CSMD1: variants seen among roughly 807,000 people sequenced by gnomAD.
CSMD1 encodes the protein CUB and sushi domain-containing protein 1.
In CSMD1, 213 loss-of-function variants were observed where a neutral mutation model predicts 417.5. The ratio of observed to expected loss-of-function variants is 0.51; its 90% CI spans 0.46 to 0.57. The LOEUF (loss-of-function observed/expected upper bound fraction) is 0.57, where lower values mean the gene tolerates loss of function less well. Among genes scored for constraint, CSMD1 ranks in the 20% least tolerant of loss-of-function variants. CSMD1 has a pLI of 0.00. For synonymous variants in CSMD1, 2,862 were observed against 1,736.8 expected (o/e 1.65, Z -16.11); for missense variants, 6,923 against 4,529.7 (o/e 1.53, Z -15.17).
intron 12 of CSMD1, among the ~76,000 whole-genome samples, chr8:3,461,923 C>G (rs988685803): frequency 2.0e-5 from 3 of 152,190 alleles, no homozygotes; most frequent in African/African-American, 7.2e-5. Flanking sequence ...AGCTGAGAGG[C>G]CAGCTAAGGA....
chr8:4,705,953 C>A (rs997110168), intron 1 of CSMD1, among the ~76,000 whole-genome samples: 29 of 152,018 alleles, frequency 1.9e-4, no homozygotes, highest in African/African-American at 6.5e-4. Context: ...ATCTCTTCAA[C>A]AAACCTCTGG....
intron 26 of CSMD1, among the ~76,000 whole-genome samples, chr8:3,273,673 G>A (rs1182627027): frequency 1.3e-5 from 2 of 152,286 alleles, no homozygotes; most frequent in Admixed American, 6.5e-5. Context: ...GAGTGTATGT[G>A]TCCAGGAATT....
rs184001864 is a variant in CSMD1 at position 4,133,317 on chromosome 8, G to C, written c.416-101218C>G. The stretch of plus-strand genomic sequence containing the variant: ...AAGTCTAAGTTTATACTGGAATGAG[G>C]ACAAATAATGATAGACTTCTCAGCA... On this transcript the variant is annotated intron_variant, in intron 3 of 69. Transcript: ENST00000635120. Among the ~76,000 whole-genome samples the C allele has an allele frequency of 2.0e-5, 3 of 152,244 alleles. No individual in the cohort carries two copies. In the East Asian group the frequency reaches 5.8e-4, roughly 29 times the overall value.
At chr8:4,120,031 T>C (rs935322857) in intron 3 of CSMD1, among the ~76,000 whole-genome samples, 12 of 152,142 alleles carry the variant, frequency 7.9e-5, no homozygotes, top group South Asian at 6.2e-4. Flanking sequence ...GATAATTTAA[T>C]TGCACATTTA....
intron 1 of CSMD1, among the ~76,000 whole-genome samples, chr8:4,975,581 T>C (rs1186301880): frequency 6.6e-6 from 1 of 152,172 alleles, no homozygotes; most frequent in Non-Finnish European, 1.5e-5. Context: ...ACAGTGGAGT[T>C]TGGACTAGAA....
chr8:4,008,767 C>A (rs762686226), intron 4 of CSMD1, among the ~76,000 whole-genome samples: 3 of 151,746 alleles, frequency 2.0e-5, no homozygotes, highest in Non-Finnish European at 4.4e-5. Context: ...TCCGGCACCA[C>A]GCCTGGCTAA....
chr8:3,091,378 C>A (rs1197863800), intron 48 of CSMD1, 138 bp downstream of exon 48: 2 of 555,208 alleles, frequency 3.6e-6, no homozygotes, highest in African/African-American at 3.9e-5. Flanking sequence ...AATTACCCAT[C>A]ATATATTTCT....
chr8:3,843,277 G>T (rs903709681), intron 5 of CSMD1, among the ~76,000 whole-genome samples: 6 of 152,014 alleles, frequency 3.9e-5, no homozygotes, highest in Non-Finnish European at 7.4e-5. Flanking sequence ...TACTTTCGTT[G>T]TTTGTTAATG....
chr8:3,685,387 G>C (rs1004548759), intron 7 of CSMD1, among the ~76,000 whole-genome samples: 6 of 152,076 alleles, frequency 3.9e-5, no homozygotes, highest in African/African-American at 1.4e-4. Flanking sequence ...GTCCTGTCTG[G>C]GTCCTGCTGC....
At chr8:4,001,109 G>A (rs1245669245) in intron 4 of CSMD1, among the ~76,000 whole-genome samples, 2 of 151,718 alleles carry the variant, frequency 1.3e-5, no homozygotes, top group African/African-American at 4.8e-5. Context: ...GGCAGTCGAT[G>A]AGCTGAATCA....
chr8:3,288,007 C>T (rs1349461775), intron 25 of CSMD1, among the ~76,000 whole-genome samples: 5 of 147,260 alleles, frequency 3.4e-5, no homozygotes, highest in Non-Finnish European at 7.4e-5. Context: ...GAGTTTTTAG[C>T]ATGAAAGGTT....
At chr8:4,057,430 T>A (rs1193196314) in intron 3 of CSMD1, among the ~76,000 whole-genome samples, 1 of 152,230 alleles carries the variant, frequency 6.6e-6, no homozygotes, top group Non-Finnish European at 1.5e-5. Flanking sequence ...ATTCTGGATG[T>A]TAGCCCTTTG....
chr8:4,785,331 T>A (rs1043587293), intron 1 of CSMD1, among the ~76,000 whole-genome samples: 2 of 152,130 alleles, frequency 1.3e-5, no homozygotes, highest in Non-Finnish European at 2.9e-5. Flanking sequence ...GGTGGAAGAC[T>A]TTGCTCTTAG....
chr8:3,819,532 CTA>C (rs982653643), intron 5 of CSMD1, among the ~76,000 whole-genome samples: 2 of 49,734 alleles, frequency 4.0e-5, no homozygotes, highest in Non-Finnish European at 7.7e-5. Flanking sequence ...AAGGTGATTT[CTA>C]CACACACACA....
At chr8:4,824,455 A>G (rs759255034) in intron 1 of CSMD1, among the ~76,000 whole-genome samples, 4 of 152,140 alleles carry the variant, frequency 2.6e-5, no homozygotes, top group Non-Finnish European at 4.4e-5. Flanking sequence ...ATAATTAAAG[A>G]AGACTATTTT....
chr8:4,862,809 G>C (rs1802212496), intron 1 of CSMD1, among the ~76,000 whole-genome samples: 1 of 152,044 alleles, frequency 6.6e-6, no homozygotes, highest in Non-Finnish European at 1.5e-5. Flanking sequence ...AAAGGGATTT[G>C]GGGTAGCTAG....
intron 5 of CSMD1, among the ~76,000 whole-genome samples, chr8:3,776,688 T>G (rs1281396649): frequency 6.6e-6 from 1 of 151,996 alleles, no homozygotes; most frequent in East Asian, 1.9e-4. Flanking sequence ...TTACCTGATT[T>G]CATACAGATG....
chr8:4,779,081 G>A (rs1797020165), intron 1 of CSMD1, among the ~76,000 whole-genome samples: 1 of 152,306 alleles, frequency 6.6e-6, no homozygotes, highest in East Asian at 1.9e-4. Flanking sequence ...ATCCTTACGA[G>A]AGGCCGTATC....
chr8:4,466,744 A>G (rs139761396), intron 2 of CSMD1, among the ~76,000 whole-genome samples: 18 of 150,572 alleles, frequency 1.2e-4, no homozygotes, highest in Non-Finnish European at 2.2e-4. Context: ...TATTTCCAAT[A>G]ATACTATATT....
Sources: allele counts gnomAD v4.1 joint callset (sites outside exome capture counted in the v4.1 genomes callset), GRCh38; gene constraint gnomAD v4.1.1; transcripts MANE v1.5; gene names NCBI Gene and HGNC (gene_info 2026-07-23, HGNC 2026-07-21).